PLK2: variants seen among roughly 807,000 people sequenced by gnomAD.
PLK2 encodes polo like kinase 2.
Under a neutral mutation model 78.1 loss-of-function variants are expected in PLK2, and 25 were observed. The ratio of observed to expected loss-of-function variants is 0.32; its 90% CI spans 0.23 to 0.45. The LOEUF (loss-of-function observed/expected upper bound fraction) is 0.45, where lower values mean the gene tolerates loss of function less well. Among genes scored for constraint, PLK2 ranks in the 20% least tolerant of loss-of-function variants. PLK2 has a pLI of 1.00. For missense variants in PLK2, 566 were observed against 840.2 expected, an observed-to-expected ratio of 0.67 and a Z score of 4.04; for synonymous variants, 332 against 298.2, an observed-to-expected ratio of 1.11 and a Z score of -1.17.
rs1561216296 is a variant in PLK2, at chr5:58,456,970, GTCT to G, written c.1128_1130del (p.Lys376_Asp377delinsAsn). On this transcript the variant is annotated inframe_deletion, in exon 8 of 14. Coordinates refer to ENST00000274289, the MANE Select transcript of PLK2 (RefSeq NM_006622.4). ...TATGTGTGTCAATATATCTTGCTTT[GTCT>G]TTTTTGCCACCAAAAAGAGCAGCAG... 1.9e-6 allele frequency: 3 copies of G among 1,609,990 alleles called. No individual in the cohort carries two copies. The Admixed American group carries it at 5.0e-5, about 27-fold the overall frequency.
rs1330670013 is a variant in PLK2 at position 58,456,174 on chromosome 5, T to A, written c.1255-19A>T. The A allele has an allele frequency of 6.2e-7, 1 of 1,603,200 alleles. No individual in the cohort carries two copies. Among genetic ancestry groups the A allele is most frequent in the Non-Finnish European group, 8.5e-7 (1 of 1,176,624 alleles). ...GGAGCTCCTTAGAAGAGAGAAGATTTATGCAATGAGTCAAGCATCTAAATT... is the reference window on the plus strand; with the variant it reads ...GGAGCTCCTTAGAAGAGAGAAGATTAATGCAATGAGTCAAGCATCTAAATT... On this transcript the variant is annotated intron_variant, in intron 9 of 13. Transcript: ENST00000274289.
chr5:58,454,661 C>G lies in PLK2; in HGVS notation c.1980G>C (p.Leu660=). The change falls in exon 14 of 14, where the codon CTG becomes CTC. Residue 660 remains leucine, a synonymous_variant. Transcript: ENST00000274289. ...ATTCTGATGAACAGCCAGACATCAGCAGAGTTGTCAGCCTGAAAGTTGTAG... is the reference window on the plus strand; with the variant it reads ...ATTCTGATGAACAGCCAGACATCAGGAGAGTTGTCAGCCTGAAAGTTGTAG... ...RISTTFRLTT[L]LMSGCSSELK... 1 of 1,613,612 alleles carries G rather than the reference C, an allele frequency of 6.2e-7. No homozygotes were observed. Among genetic ancestry groups the G allele is most frequent in the East Asian group, 2.2e-5 (1 of 44,882 alleles).
At chr5:58,455,930 T>A (rs1044655737) in intron 10 of PLK2, 96 bp downstream of exon 10, 2 of 1,485,206 alleles carry the variant, frequency 1.3e-6, no homozygotes, top group African/African-American at 2.8e-5. Context: ...ACTTCTATGT[T>A]AAATTAAGCT....
chr5:58,458,770 C>T lies in PLK2; in HGVS notation c.450G>A (p.Glu150=). The change falls in exon 3 of 14, where the codon GAG becomes GAA. Residue 150 remains glutamate (E), a synonymous_variant. Transcript: ENST00000274289. The part of the protein sequence containing the change: ...KHVVQFYHYF[E]DKENIYILLE... ...AGAGAATGTAAATGTTTTCTTTGTCCTCGAAGTAGTGGTAAAACTGCACTA... is the reference window on the plus strand; with the variant it reads ...AGAGAATGTAAATGTTTTCTTTGTCTTCGAAGTAGTGGTAAAACTGCACTA... The T allele has an allele frequency of 1.2e-6, 2 of 1,600,246 alleles. No individual in the cohort carries two copies. The highest frequency in any genetic ancestry group is 1.7e-6 in the Non-Finnish European group (2 of 1,167,440).
chr5:58,458,189 CAAAAT>C lies in PLK2; in HGVS notation c.626-23_626-19del, dbSNP rs1561216879. On this transcript the variant is annotated intron_variant, in intron 4 of 13. Coordinates refer to ENST00000274289, the MANE Select transcript of PLK2 (RefSeq NM_006622.4). ...AAAGTTCCCTAGACGATAAACAAAA[CAAAAT>C]GTGAATCCCTTTGAAAATGCGTTCT... 4 of 1,538,066 alleles carry C rather than the reference CAAAAT, an allele frequency of 2.6e-6. No homozygotes were observed. The highest frequency in any genetic ancestry group is 1.7e-5 in the Admixed American group (1 of 59,910).
Position 58,458,402 on chromosome 5 carries a change from G to A in PLK2, c.622C>T (p.Leu208=), listed in dbSNP as rs201835367. ...EQEILHRDLK[L]GNFFINEAME... ...GCTTTTGGCGTCAATGACTTACCTA[G>A]TTTGAGATCTCTGTGCAAGATTTCT... is the stretch of plus-strand genomic sequence containing the variant. The change falls in exon 4 of 14, where the codon CTA becomes TTA. Residue 208 remains leucine, a synonymous_variant. Coordinates refer to ENST00000274289, the MANE Select transcript of PLK2 (RefSeq NM_006622.4). 3 of 1,613,744 alleles carry A rather than the reference G, an allele frequency of 1.9e-6. No individual in the cohort carries two copies. Among genetic ancestry groups the A allele is most frequent in the Non-Finnish European group, 1.7e-6 (2 of 1,179,760 alleles).
chr5:58,455,158 G>T, intron 12 of PLK2, 127 bp downstream of exon 12: 1 of 1,234,718 alleles, frequency 8.1e-7, no homozygotes, highest in East Asian at 2.3e-5. Flanking sequence ...ACCTCCCGGA[G>T]ATTCTGATTC....
chr5:58,457,508 A>G lies in PLK2; in HGVS notation c.789T>C (p.Ile263=), dbSNP rs763062996. The part of the protein sequence containing the change: ...NKQGHGCESD[I]WALGCVMYTM... ...CTTACATTACACAGCCCAGGGCCCA[A>G]ATGTCTGATTCACAGCCATGTCCTT... Residue 263 remains isoleucine, a synonymous_variant, in exon 6 of 14, where the codon ATT becomes ATC. Transcript: ENST00000274289. 6.2e-7 allele frequency: 1 copy of G among 1,612,254 alleles called. No homozygotes were observed. Among genetic ancestry groups the G allele is most frequent in the Non-Finnish European group, 8.5e-7 (1 of 1,178,274 alleles).
rs753531549 is a variant in PLK2 at position 58,454,539 on chromosome 5, A to G, written c.*44T>C. ...TTCTTTTGGCTTCCCTGTAGATCTCACAGTGGAAAAGAGGAGTCCCATAGG... is the reference window on the plus strand; with the variant it reads ...TTCTTTTGGCTTCCCTGTAGATCTCGCAGTGGAAAAGAGGAGTCCCATAGG... On this transcript the variant is annotated 3_prime_UTR_variant, in exon 14 of 14. Coordinates refer to ENST00000274289, the MANE Select transcript of PLK2 (RefSeq NM_006622.4). 7.7e-7 allele frequency: 1 copy of G among 1,305,144 alleles called. No individual in the cohort carries two copies. Among genetic ancestry groups the G allele is most frequent in the East Asian group, 2.3e-5 (1 of 43,340 alleles). The allele number at this position is 1,305,144 out of a possible 1,614,324, so 80.8% of individuals were successfully genotyped here. A position where few individuals can be genotyped will look rare whatever the true frequency, so the allele number is the denominator to read the frequency against.
At chr5:58,458,325 T>C in intron 4 of PLK2, 74 bp downstream of exon 4, 1 of 1,510,370 alleles carries the variant, frequency 6.6e-7, no homozygotes, top group Non-Finnish European at 9.2e-7. Flanking sequence ...TTAAGAACAT[T>C]AATATGTAAA....
chr5:58,458,288 A>T (rs1203022800), intron 4 of PLK2, 111 bp downstream of exon 4: 4 of 1,379,442 alleles, frequency 2.9e-6, no homozygotes, highest in Non-Finnish European at 2.1e-6. Flanking sequence ...CCCATTCAAA[A>T]GCAAGATTGC....
intron 13 of PLK2, 52 bp from the exon 14 acceptor site, chr5:58,454,826 A>G (rs915131340): frequency 1.3e-6 from 2 of 1,513,472 alleles, no homozygotes; most frequent in African/African-American, 1.4e-5. Flanking sequence ...GAGAATTAGA[A>G]AAGTTCAGTC....
chr5:58,455,010 C>T lies in PLK2; in HGVS notation c.1767G>A (p.Leu589=), dbSNP rs1469221662. The T allele has an allele frequency of 6.3e-6, 10 of 1,597,964 alleles. No homozygotes were observed. The highest frequency in any genetic ancestry group is 8.6e-6 in the Non-Finnish European group (10 of 1,165,754). ...MEENLMDGGD[L]PSVTDIRRPR... ...GTCTTCGAATATCAGTAACACTAGG[C>T]AGATCTCCACCCTGGAAGAGATTAG... is the stretch of plus-strand genomic sequence containing the variant. The change falls in exon 13 of 14, where the codon CTG becomes CTA. Residue 589 remains leucine (L), a synonymous_variant. Transcript: ENST00000274289.
chr5:58,457,489 T>A lies in PLK2; in HGVS notation c.808A>T (p.Met270Leu). Residue 270 changes from methionine to leucine, a missense_variant and splice_region_variant, in exon 6 of 14, where the codon ATG (methionine) becomes TTG (leucine). By Grantham distance (15) the Met-to-Leu change is conservative. This residue lies in a region of PLK2 where 179 missense variants were observed against 342.3 expected (regional missense o/e 0.52). Coordinates refer to ENST00000274289, the MANE Select transcript of PLK2 (RefSeq NM_006622.4). ...ESDIWALGCVMYTMLLGRPPF... is the reference protein window; with the variant it reads ...ESDIWALGCVLYTMLLGRPPF... Reference sequence around the variant, plus strand: ...AATTATTCTGCTGCATTTACTTACATTACACAGCCCAGGGCCCAAATGTCT... The same window carrying A: ...AATTATTCTGCTGCATTTACTTACAATACACAGCCCAGGGCCCAAATGTCT... The A allele has an allele frequency of 6.2e-7, 1 of 1,607,062 alleles. No homozygotes were observed. The highest frequency in any genetic ancestry group is 8.5e-7 in the Non-Finnish European group (1 of 1,173,530).
rs376911424 is a variant in PLK2 at position 58,455,705 on chromosome 5, G to C, written c.1459C>G (p.Pro487Ala). Reference protein sequence around the residue: ...RVLRGCLENMPEADCIPKEQL... With the variant: ...RVLRGCLENMAEADCIPKEQL... ...TCTTTGGGAATGCAATCAGCTTCCG[G>C]CATGTTTTCCAGACATCCCCGAAGA... The change falls in exon 11 of 14, where the codon CCG becomes GCG. Residue 487 changes from proline to alanine, a missense_variant. By Grantham distance (27) the Pro-to-Ala change is conservative. Transcript: ENST00000274289. 1.2e-6 allele frequency: 2 copies of C among 1,614,084 alleles called. No homozygotes were observed. The highest frequency in any genetic ancestry group is 2.2e-5 in the South Asian group (2 of 91,082).
chr5:58,457,126 G>C (rs753954459), intron 7 of PLK2, 34 bp from the exon 8 acceptor site: 1 of 1,611,034 alleles, frequency 6.2e-7, no homozygotes, highest in Admixed American at 1.7e-5. Context: ...TCAGTAACCT[G>C]TCAGGTAACT....
rs1387972791 is a variant in PLK2, at chr5:58,456,158, T to G, written c.1255-3A>C. ...GTGGTGGTAGGTGGCTGGAGCTCCTTAGAAGAGAGAAGATTTATGCAATGA... is the reference window on the plus strand; with the variant it reads ...GTGGTGGTAGGTGGCTGGAGCTCCTGAGAAGAGAGAAGATTTATGCAATGA... On this transcript the variant is annotated splice_region_variant and splice_polypyrimidine_tract_variant and intron_variant, in intron 9 of 13. Transcript: ENST00000274289. 6.2e-7 allele frequency: 1 copy of G among 1,607,718 alleles called. No individual in the cohort carries two copies. Among genetic ancestry groups the G allele is most frequent in the Non-Finnish European group, 8.5e-7 (1 of 1,178,328 alleles).
rs781694532 is a variant in PLK2, at chr5:58,457,449, C to T, written c.809+39G>A. 4.4e-6 allele frequency: 7 copies of T among 1,584,220 alleles called. No individual in the cohort carries two copies. The South Asian group carries it at 7.7e-5, about 18-fold the overall frequency. On this transcript the variant is annotated intron_variant, in intron 6 of 13. Transcript: ENST00000274289. ...TCTTTTCAAGTGTTAAAATCTAAAT[C>T]CGAATTTGCTTTTTAATTATTCTGC... is the stretch of plus-strand genomic sequence containing the variant.
Position 58,457,286 on chromosome 5 carries a change from G to A in PLK2, c.903C>T (p.Ser301=). The change falls in exon 7 of 14, where the codon TCC becomes TCT. Residue 301 remains serine, a synonymous_variant. Transcript: ENST00000274289. ...AGTGCTTGGCAGGAGCCAGCAATGA[G>A]GACGGCATTGTATACCTTGCTTCCC... The part of the protein sequence containing the change: ...CIREARYTMP[S]SLLAPAKHLI... 1 of 1,613,332 alleles carries A rather than the reference G, an allele frequency of 6.2e-7. No individual in the cohort carries two copies. Among genetic ancestry groups the A allele is most frequent in the Non-Finnish European group, 8.5e-7 (1 of 1,179,316 alleles).
Sources: allele counts gnomAD v4.1 joint callset, GRCh38; gene constraint gnomAD v4.1.1; regional missense constraint gnomAD v4.1.1; transcripts MANE v1.5; gene names NCBI Gene and HGNC (gene_info 2026-07-23, HGNC 2026-07-21).